Variants in CACNA1B observed in about 807,000 individuals in gnomAD.
CACNA1B encodes the protein voltage-dependent N-type calcium channel subunit alpha-1B.
In CACNA1B, 70 loss-of-function variants were observed where a neutral mutation model predicts 247.2. The observed-to-expected ratio is 0.28, with a 90% CI of 0.23 to 0.35. CACNA1B has a LOEUF of 0.35. Among genes scored for constraint, CACNA1B ranks in the 10% least tolerant of loss-of-function variants. The pLI, the probability that CACNA1B is intolerant of heterozygous loss-of-function variation, is 1.00. For synonymous variants in CACNA1B, 1,231 were observed against 1,294.4 expected, an observed-to-expected ratio of 0.95 and a Z score of 1.05; for missense variants, 2,367 against 3,197.4, an observed-to-expected ratio of 0.74 and a Z score of 6.26.
At chr9:137,935,493 C>T (rs533092586) in intron 6 of CACNA1B, among the ~76,000 whole-genome samples, 1 of 152,326 alleles carries the variant, frequency 6.6e-6, no homozygotes, top group South Asian at 2.1e-4. Context: ...TTTTCTAATC[C>T]AGTCTATCAT....
chr9:138,076,695 C>T (rs956103533), intron 35 of CACNA1B, among the ~76,000 whole-genome samples: 6 of 152,226 alleles, frequency 3.9e-5, no homozygotes, highest in African/African-American at 1.2e-4. Flanking sequence ...TGTTTTCCTG[C>T]CTCCTGAGTC....
At chr9:137,883,429 CA>C (rs1956957628) in intron 3 of CACNA1B, among the ~76,000 whole-genome samples, 2 of 152,166 alleles carry the variant, frequency 1.3e-5, no homozygotes, top group Non-Finnish European at 2.9e-5. Context: ...GGTGCTTCGG[CA>C]GTTTCTCCTC....
intron 25 of CACNA1B, 137 bp from the exon 26 acceptor site, chr9:138,053,709 G>A (rs1196708670): frequency 4.2e-5 from 17 of 402,744 alleles, no homozygotes; most frequent in Middle Eastern, 8.9e-4. Flanking sequence ...ATTCCCTTAC[G>A]GCCATGCCCT....
chr9:137,946,082 A>T (rs533783025), intron 6 of CACNA1B, among the ~76,000 whole-genome samples: 1 of 152,176 alleles, frequency 6.6e-6, no homozygotes, highest in Non-Finnish European at 1.5e-5. Context: ...GGCCTCCCAG[A>T]GTGCTAGCAT....
intron 15 of CACNA1B, among the ~76,000 whole-genome samples, chr9:138,003,778 CTT>C (rs11305081): frequency 7.6e-4 from 66 of 86,886 alleles, no homozygotes; most frequent in East Asian, 4.5e-3. Context: ...ACGGGCTTGC[CTT>C]TTTTTTTTTT....
chr9:138,074,030 C>T lies in CACNA1B; in HGVS notation c.4821C>T (p.Ala1607=). 1 of 1,612,842 alleles carries T rather than the reference C, an allele frequency of 6.2e-7. No individual in the cohort carries two copies. The highest frequency in any genetic ancestry group is 8.5e-7 in the Non-Finnish European group (1 of 1,179,838). Residue 1607 remains alanine (A), a synonymous_variant, in exon 34 of 47, where the codon GCC becomes GCT. Coordinates refer to ENST00000371372, the MANE Select transcript of CACNA1B (RefSeq NM_000718.4). ...TGCCCTACGTGTGTCTGCTCATTGC[C>T]ATGCTGTTCTTCATCTACGCCATCA... is the stretch of plus-strand genomic sequence containing the variant. The part of the protein sequence containing the change: ...KALPYVCLLI[A]MLFFIYAIIG...
At position 137,881,048 on chromosome 9, in the gene CACNA1B, G is replaced by A. The variant is rs987803779; in HGVS notation, c.391-1696G>A. Among the ~76,000 whole-genome samples the A allele has an allele frequency of 2.0e-5, 3 of 152,232 alleles. No homozygotes were observed. The highest frequency in any genetic ancestry group is 4.4e-5 in the Non-Finnish European group (3 of 68,028). On this transcript the variant is annotated intron_variant, in intron 2 of 46. Coordinates refer to ENST00000371372, the MANE Select transcript of CACNA1B (RefSeq NM_000718.4). This position sits in a 1 kb window ranked among gnomAD's most constrained non-coding sequence, Gnocchi z 4.3. ...CTGTGAGGAGAGGGCTCGGGCTGGG[G>A]GCTCCTTCCCAGCTGAGGGTGCTGG...
intron 41 of CACNA1B, among the ~76,000 whole-genome samples, chr9:138,114,974 G>A (rs762341452): frequency 5.9e-5 from 9 of 152,260 alleles, no homozygotes; most frequent in African/African-American, 1.4e-4. Flanking sequence ...CCGTGTCTTC[G>A]GTGACCATAT....
At chr9:137,991,003 A>T (rs1958425844) in intron 15 of CACNA1B, among the ~76,000 whole-genome samples, 1 of 152,188 alleles carries the variant, frequency 6.6e-6, no homozygotes, top group South Asian at 2.1e-4. Context: ...CCAGGAAAAC[A>T]ATTCTGGTAA....
At chr9:138,111,412 G>A (rs1961624867) in intron 39 of CACNA1B, among the ~76,000 whole-genome samples, 1 of 152,238 alleles carries the variant, frequency 6.6e-6, no homozygotes, top group South Asian at 2.1e-4. Context: ...CCAGTGTGCT[G>A]TATGATGCCA....
At chr9:138,027,630 C>T (rs1382993719) in intron 20 of CACNA1B, among the ~76,000 whole-genome samples, 1 of 152,124 alleles carries the variant, frequency 6.6e-6, no homozygotes, top group Non-Finnish European at 1.5e-5. Flanking sequence ...CCATTAGTTC[C>T]TACTTCAGTA....
At chr9:138,096,419 G>A in intron 36 of CACNA1B, 65 bp from the exon 37 acceptor site, 2 of 1,442,542 alleles carry the variant, frequency 1.4e-6, no homozygotes, top group Admixed American at 1.7e-5. Context: ...GGAGAGTGGT[G>A]GGGGGCGGCG....
At chr9:138,105,149 T>A (rs1270568284) in intron 38 of CACNA1B, among the ~76,000 whole-genome samples, 1 of 152,212 alleles carries the variant, frequency 6.6e-6, no homozygotes, top group Non-Finnish European at 1.5e-5. Context: ...CCAGGCCTCA[T>A]GCTGGGTGGT....
At chr9:138,016,430 C>T (rs1958792742) in intron 18 of CACNA1B, among the ~76,000 whole-genome samples, 1 of 152,224 alleles carries the variant, frequency 6.6e-6, no homozygotes, top group Non-Finnish European at 1.5e-5. Context: ...GAGCTGCATC[C>T]AAAAGGAAGG....
At chr9:138,069,666 T>C (rs1960050048) in intron 31 of CACNA1B, 92 bp from the exon 32 acceptor site, 2 of 930,656 alleles carry the variant, frequency 2.1e-6, no homozygotes, top group Non-Finnish European at 1.8e-6. Flanking sequence ...CGAAAACCCA[T>C]GTCTCCGTCT....
In CACNA1B at chr9:137,879,171, G is replaced by C. The variant is rs1032703269; in HGVS notation, c.390+12G>C. 6.3e-7 allele frequency: 1 copy of C among 1,581,968 alleles called. No homozygotes were observed. Among genetic ancestry groups the C allele is most frequent in the Middle Eastern group, 1.7e-4 (1 of 6,026 alleles). On this transcript the variant is annotated intron_variant, in intron 2 of 46. Transcript: ENST00000371372. ...TGTCCGAGCGGCTGGTGAGTGCCCG[G>C]CTGGGCCTGAGGGCAGGGTGGTGGG...
intron 3 of CACNA1B, among the ~76,000 whole-genome samples, chr9:137,905,063 A>G (rs914821720): frequency 1.3e-5 from 2 of 152,314 alleles, no homozygotes; most frequent in African/African-American, 4.8e-5. Context: ...GGTTTTTAAA[A>G]GCTTTTAGGG....
chr9:138,028,506 T>G (rs1167921906), intron 20 of CACNA1B, among the ~76,000 whole-genome samples: 1 of 152,242 alleles, frequency 6.6e-6, no homozygotes, highest in East Asian at 1.9e-4. Flanking sequence ...AAGCAATTGC[T>G]TTAGATACCT....
intron 26 of CACNA1B, among the ~76,000 whole-genome samples, chr9:138,055,510 T>C: frequency 6.6e-6 from 1 of 152,168 alleles, no homozygotes; most frequent in East Asian, 1.9e-4. Flanking sequence ...GTTTAAGAAA[T>C]CTATCCCAAG....
Sources: gnomAD v4.1 joint callset for allele counts (sites outside exome capture counted in the v4.1 genomes callset) on GRCh38, gnomAD v4.1.1 for gene constraint, Gnocchi (gnomAD v3.1) non-coding constraint, MANE v1.5 for transcripts, NCBI Gene and HGNC (gene_info 2026-07-23, HGNC 2026-07-21) for gene names.